NEK11: variants seen among roughly 807,000 people sequenced by gnomAD.
NEK11 encodes the protein NIMA related kinase 11, also known as serine/threonine-protein kinase Nek11.
NEK11 carries 72 observed loss-of-function variants against 80.7 expected under a neutral mutation model. That is an observed-to-expected ratio of 0.89 (90% CI 0.74 to 1.08). The LOEUF is 1.08. Ranked by LOEUF, NEK11 falls within the 50% of genes least tolerant of loss-of-function variation. The pLI, the probability that NEK11 is intolerant of heterozygous loss-of-function variation, is 0.00. For synonymous variants in NEK11, 251 were observed against 260.7 expected, an observed-to-expected ratio of 0.96 and a Z score of 0.36; for missense variants, 764 against 763.6, an observed-to-expected ratio of 1.00 and a Z score of -0.01.
intron 5 of NEK11, among the ~76,000 whole-genome samples, chr3:131,127,127 G>A (rs1268736036): frequency 3.3e-5 from 5 of 151,598 alleles, no homozygotes; most frequent in Admixed American, 2.0e-4. Flanking sequence ...CACCATGCCC[G>A]GCTAATTTTT....
chr3:131,057,468 C>A (rs1243960729), intron 3 of NEK11, among the ~76,000 whole-genome samples: 1 of 150,696 alleles, frequency 6.6e-6, no homozygotes. Flanking sequence ...GCCACACTGA[C>A]TTCCACAATG....
intron 4 of NEK11, among the ~76,000 whole-genome samples, chr3:131,091,323 C>G (rs1480135149): frequency 6.6e-6 from 1 of 152,136 alleles, no homozygotes; most frequent in Non-Finnish European, 1.5e-5. Context: ...CACTTTGAGG[C>G]CTGTTATTGA....
intron 15 of NEK11, among the ~76,000 whole-genome samples, chr3:131,242,574 C>T (rs751241547): frequency 2.8e-4 from 42 of 152,102 alleles, no homozygotes; most frequent in Non-Finnish European, 2.4e-4. Context: ...ATCTTTGCTA[C>T]GCCCGGCTGA....
At chr3:131,115,958 C>A (rs903225687) in intron 5 of NEK11, among the ~76,000 whole-genome samples, 4 of 139,444 alleles carry the variant, frequency 2.9e-5, no homozygotes, top group Admixed American at 1.4e-4. Flanking sequence ...TTCTTTCTTT[C>A]TTTCTTTCTT....
chr3:131,168,903 A>C lies in NEK11; in HGVS notation c.1250A>C (p.Asp417Ala). Residue 417 changes from aspartate (D) to alanine (A), a missense_variant, in exon 13 of 18, where the codon GAC becomes GCC. Physicochemically the swap from Asp to Ala is moderately radical, Grantham distance 126 (BLOSUM62 -2). Coordinates refer to ENST00000383366, the MANE Select transcript of NEK11 (RefSeq NM_024800.5). ...GGAAGACTTTCTTGTTCACCCCAGG[A>C]CGAGGATGAAGAGAGGTGGCAAGGC... Reference protein sequence around the residue: ...PEGRLSCSPQDEDEERWQGRE... With the variant: ...PEGRLSCSPQAEDEERWQGRE... 12 of 1,614,096 alleles carry C rather than the reference A, an allele frequency of 7.4e-6. No individual in the cohort carries two copies. Among genetic ancestry groups the C allele is most frequent in the Non-Finnish European group, 1.0e-5 (12 of 1,179,982 alleles).
intron 14 of NEK11, among the ~76,000 whole-genome samples, chr3:131,178,819 G>A (rs999100968): frequency 6.6e-6 from 1 of 152,162 alleles, no homozygotes; most frequent in Non-Finnish European, 1.5e-5. Context: ...CAGTATGTGT[G>A]TTTACACTGC....
intron 3 of NEK11, among the ~76,000 whole-genome samples, chr3:131,073,978 A>T (rs904834684): frequency 3.3e-5 from 5 of 151,890 alleles, no homozygotes; most frequent in Non-Finnish European, 1.5e-5. Flanking sequence ...CAGCCCCATT[A>T]CTCCTCACCC....
intron 11 of NEK11, 80 bp from the exon 12 acceptor site, chr3:131,165,346 A>G: frequency 1.2e-6 from 1 of 853,094 alleles, no homozygotes; most frequent in Admixed American, 2.1e-5. Context: ...TGTTGAAATA[A>G]GGATCACACT....
chr3:131,029,093 C>T (rs574339116), intron 2 of NEK11, among the ~76,000 whole-genome samples: 1 of 152,242 alleles, frequency 6.6e-6, no homozygotes, highest in East Asian at 1.9e-4. Flanking sequence ...TTGCATCTGT[C>T]CTAATAAATA....
At chr3:131,274,629 T>G (rs2096261617) in intron 17 of NEK11, among the ~76,000 whole-genome samples, 1 of 137,604 alleles carries the variant, frequency 7.3e-6, no homozygotes, top group Non-Finnish European at 1.6e-5. Context: ...TGTTGTTTCC[T>G]GACTTTTTTT....
chr3:131,116,917 T>C (rs540685484), intron 5 of NEK11, among the ~76,000 whole-genome samples: 1 of 152,338 alleles, frequency 6.6e-6, no homozygotes, highest in East Asian at 1.9e-4. Flanking sequence ...TTTCTCCCAT[T>C]CTGTAGGTTG....
chr3:131,038,089 T>G (rs1383962406), intron 3 of NEK11, among the ~76,000 whole-genome samples: 1 of 152,122 alleles, frequency 6.6e-6, no homozygotes, highest in East Asian at 1.9e-4. Flanking sequence ...AAAATCTTCC[T>G]GCTTATCTTT....
At chr3:131,155,578 A>G (rs2090510448) in intron 10 of NEK11, among the ~76,000 whole-genome samples, 1 of 152,224 alleles carries the variant, frequency 6.6e-6, no homozygotes. Flanking sequence ...TCCTTCACAT[A>G]AGAACTAAAC....
intron 3 of NEK11, among the ~76,000 whole-genome samples, chr3:131,034,430 C>T (rs565142772): frequency 6.6e-6 from 1 of 151,644 alleles, no homozygotes; most frequent in Admixed American, 6.6e-5. Context: ...GTCGGAGTCT[C>T]GATTTGTCAC....
intron 14 of NEK11, among the ~76,000 whole-genome samples, chr3:131,205,210 A>T (rs2094408087): frequency 6.6e-6 from 1 of 152,226 alleles, no homozygotes; most frequent in Admixed American, 6.5e-5. Context: ...ACAAATGGAT[A>T]GGGCTAGATC....
At chr3:131,100,928 T>C (rs974710468) in intron 4 of NEK11, among the ~76,000 whole-genome samples, 6 of 152,144 alleles carry the variant, frequency 3.9e-5, no homozygotes, top group African/African-American at 9.7e-5. Context: ...TCAGTATTGG[T>C]CTATTCAGAG....
intron 4 of NEK11, among the ~76,000 whole-genome samples, chr3:131,099,974 G>C (rs2078119309): frequency 6.6e-6 from 1 of 152,142 alleles, no homozygotes; most frequent in Admixed American, 6.5e-5. Context: ...CAGTTGCTCT[G>C]GCTAGGACTT....
intron 17 of NEK11, among the ~76,000 whole-genome samples, chr3:131,341,158 C>A (rs1011854812): frequency 6.6e-6 from 1 of 152,124 alleles, no homozygotes; most frequent in Non-Finnish European, 1.5e-5. Context: ...TGCATCATTG[C>A]AGAATATAGT....
chr3:131,170,833 C>G lies in NEK11; in HGVS notation c.1345C>G (p.Leu449Val). The change falls in exon 14 of 18, where the codon CTC (leucine) becomes GTC (valine). Residue 449 changes from leucine to valine, a missense_variant. By Grantham distance (32) the Leu-to-Val change is conservative. Transcript: ENST00000383366. Reference sequence around the variant, plus strand: ...GTCTCAGCCTATTCCTTCCATGGACCTCCACGAACTTGAATCAATTGTAGA... The same window carrying G: ...GTCTCAGCCTATTCCTTCCATGGACGTCCACGAACTTGAATCAATTGTAGA... The part of the protein sequence containing the change: ...PESQPIPSMD[L>V]HELESIVEDA... 4 of 1,614,110 alleles carry G rather than the reference C, an allele frequency of 2.5e-6. No individual in the cohort carries two copies. In the Admixed American group the frequency reaches 5.0e-5, roughly 20 times the overall value.
Sources: allele counts gnomAD v4.1 joint callset (sites outside exome capture counted in the v4.1 genomes callset), GRCh38; gene constraint gnomAD v4.1.1; transcripts MANE v1.5; gene names NCBI Gene and HGNC (gene_info 2026-07-23, HGNC 2026-07-21).